DNAJA1: variants seen among roughly 807,000 people sequenced by gnomAD.
DNAJA1 encodes DnaJ heat shock protein family (Hsp40) member A1.
DNAJA1 carries 26 observed loss-of-function variants against 47.6 expected under a neutral mutation model. The ratio of observed to expected loss-of-function variants is 0.55; its 90% CI spans 0.40 to 0.76. The LOEUF is 0.76. Among genes scored for constraint, DNAJA1 ranks in the 30% least tolerant of loss-of-function variants. The probability of loss-of-function intolerance (pLI) is 0.00; values close to 1 mark genes in which losing one functional copy is unlikely to be tolerated. For missense variants in DNAJA1, 315 were observed against 485.0 expected (o/e 0.65, Z 3.29); for synonymous variants, 165 against 158.4 (o/e 1.04, Z -0.31).
chr9:33,026,746 A>G, intron 2 of DNAJA1, 67 bp from the exon 3 acceptor site: 2 of 1,582,808 alleles, frequency 1.3e-6, no homozygotes, highest in South Asian at 2.3e-5. Flanking sequence ...AGCTAAGATC[A>G]AGTGTAATGT....
At chr9:33,027,840 ATC>A (rs933296476) in intron 3 of DNAJA1, among the ~76,000 whole-genome samples, 3 of 151,850 alleles carry the variant, frequency 2.0e-5, no homozygotes, top group African/African-American at 4.8e-5. Flanking sequence ...ACAAGAGTGA[ATC>A]TCTGTCACAA....
At chr9:33,037,352 C>A (rs7875733) in intron 8 of DNAJA1, 81,259 of 299,030 alleles carry the variant, frequency 0.27, 12,615 homozygotes, top group Non-Finnish European at 0.3. Context: ...CTGAATGCCT[C>A]AGAACCTGAA....
intron 1 of DNAJA1, among the ~76,000 whole-genome samples, chr9:33,026,058 C>T (rs1838832902): frequency 6.6e-6 from 1 of 152,184 alleles, no homozygotes; most frequent in African/African-American, 2.4e-5. Context: ...TGTGCCCAGA[C>T]GTCTTTTTCT....
chr9:33,037,378 C>T (rs1419323990), intron 8 of DNAJA1: 1 of 294,982 alleles, frequency 3.4e-6, no homozygotes, highest in Non-Finnish European at 6.4e-6. Context: ...CATTTTTCCA[C>T]AGCAAGAAAT....
At chr9:33,028,682 T>G (rs924947893) in intron 3 of DNAJA1, among the ~76,000 whole-genome samples, 1 of 152,206 alleles carries the variant, frequency 6.6e-6, no homozygotes, top group African/African-American at 2.4e-5. Flanking sequence ...AGGTTAACAT[T>G]GGCAAGCTCT....
chr9:33,032,691 G>A (rs1476108390), intron 5 of DNAJA1, among the ~76,000 whole-genome samples: 2 of 152,270 alleles, frequency 1.3e-5, no homozygotes, highest in African/African-American at 4.8e-5. Flanking sequence ...AGCATAACAA[G>A]TTATTTTGCC....
chr9:33,036,833 G>T, intron 7 of DNAJA1, 144 bp downstream of exon 7: 1 of 800,496 alleles, frequency 1.2e-6, no homozygotes, highest in Non-Finnish European at 2.0e-6. Flanking sequence ...CTTAGATGAA[G>T]TTATAAGGTC....
chr9:33,034,429 CT>C, intron 6 of DNAJA1, 99 bp downstream of exon 6: 1 of 801,478 alleles, frequency 1.2e-6, no homozygotes, highest in Non-Finnish European at 2.0e-6. Context: ...TTCCATTACT[CT>C]TAGAACCTAT....
chr9:33,032,780 G>T (rs1838980260), intron 5 of DNAJA1, among the ~76,000 whole-genome samples: 1 of 152,130 alleles, frequency 6.6e-6, no homozygotes, highest in Non-Finnish European at 1.5e-5. Flanking sequence ...TATTTAAGAG[G>T]TACGTACTGA....
At chr9:33,026,438 G>C (rs1202374528) in intron 1 of DNAJA1, 37 bp from the exon 2 acceptor site, 1 of 1,585,064 alleles carries the variant, frequency 6.3e-7, no homozygotes, top group Non-Finnish European at 8.5e-7. Context: ...AAAGCTACCA[G>C]TTGAAAGCCG....
At position 33,036,583 on chromosome 9, in the gene DNAJA1, A is replaced by T; in HGVS notation, c.768A>T (p.Glu256Asp). The T allele has an allele frequency of 6.2e-7, 1 of 1,607,140 alleles. No individual in the cohort carries two copies. Among genetic ancestry groups the T allele is most frequent in the Non-Finnish European group, 8.5e-7 (1 of 1,176,272 alleles). The change falls in exon 7 of 9, where the codon GAA becomes GAT. Residue 256 changes from glutamate (E) to aspartate (D), a missense_variant. Physicochemically the swap from Glu to Asp is conservative, Grantham distance 45. Coordinates refer to ENST00000330899, the MANE Select transcript of DNAJA1 (RefSeq NM_001539.4). Reference sequence around the variant, plus strand: ...GTCATATTTTATGCAGACGAGGAGAAGACCTTTTCATGTGTATGGACATAC... The same window carrying T: ...GTCATATTTTATGCAGACGAGGAGATGACCTTTTCATGTGTATGGACATAC... The part of the protein sequence containing the change: ...KDHAVFTRRG[E>D]DLFMCMDIQL...
At position 33,030,510 on chromosome 9, in the gene DNAJA1, T is replaced by A; in HGVS notation, c.486T>A (p.Ile162=). The A allele has an allele frequency of 6.2e-7, 1 of 1,614,120 alleles. No individual in the cohort carries two copies. Among genetic ancestry groups the A allele is most frequent in the South Asian group, 1.1e-5 (1 of 91,084 alleles). ...NCRGTGMQIR[I]HQIGPGMVQQ... is the part of the protein sequence containing the mutation. ...GAGGTACTGGAATGCAAATAAGAAT[T>A]CATCAGATAGGACCTGGAATGGTTC... Residue 162 remains isoleucine, a synonymous_variant, in exon 5 of 9, where the codon ATT becomes ATA. Coordinates refer to ENST00000330899, the MANE Select transcript of DNAJA1 (RefSeq NM_001539.4).
In DNAJA1 at chr9:33,030,614, A is replaced by G; in HGVS notation, c.590A>G (p.Asn197Ser). The change falls in exon 5 of 9, where the codon AAC becomes AGC. Residue 197 changes from asparagine (N) to serine (S), a missense_variant. Physicochemically the swap from Asn to Ser is conservative, Grantham distance 46 (BLOSUM62 1). Around this residue, in one of 4 missense-constraint regions of DNAJA1, gnomAD observed 45 missense variants for 93.3 expected, o/e 0.48. Coordinates refer to ENST00000330899, the MANE Select transcript of DNAJA1 (RefSeq NM_001539.4). ...CCTAAAGATAGATGTAAAAGCTGCAACGGAAGGAAGATAGTTCGAGAGAAG... is the reference window on the plus strand; with the variant it reads ...CCTAAAGATAGATGTAAAAGCTGCAGCGGAAGGAAGATAGTTCGAGAGAAG... Reference protein sequence around the residue: ...ISPKDRCKSCNGRKIVREKKI... With the variant: ...ISPKDRCKSCSGRKIVREKKI... 6.2e-7 allele frequency: 1 copy of G among 1,614,176 alleles called. No individual in the cohort carries two copies. Among genetic ancestry groups the G allele is most frequent in the Non-Finnish European group, 8.5e-7 (1 of 1,180,010 alleles).
At chr9:33,038,509 C>A (rs183643206) in intron 8 of DNAJA1, among the ~76,000 whole-genome samples, 176 bp from the exon 9 acceptor site, 1 of 152,176 alleles carries the variant, frequency 6.6e-6, no homozygotes, top group Non-Finnish European at 1.5e-5. Context: ...AATCCTTGAA[C>A]TCTAGTTCAG....
rs771091833 is a variant in DNAJA1 at position 33,036,705 on chromosome 9, A to G, written c.874+16A>G. ...TCTCATCCAGGTATGGGAACTAGGC[A>G]AGCTTAAACTTCTCTTTTCTATTCT... On this transcript the variant is annotated intron_variant, in intron 7 of 8. Coordinates refer to ENST00000330899, the MANE Select transcript of DNAJA1 (RefSeq NM_001539.4). 6.4e-7 allele frequency: 1 copy of G among 1,564,488 alleles called. No homozygotes were observed. Among genetic ancestry groups the G allele is most frequent in the Middle Eastern group, 1.7e-4 (1 of 5,950 alleles).
At chr9:33,028,025 C>T (rs1158563218) in intron 3 of DNAJA1, among the ~76,000 whole-genome samples, 1 of 77,918 alleles carries the variant, frequency 1.3e-5, no homozygotes, top group Non-Finnish European at 2.5e-5. Context: ...ACTCTTGTCT[C>T]AAAAAAAAAA....
intron 4 of DNAJA1, among the ~76,000 whole-genome samples, chr9:33,030,239 T>C (rs1242190866): frequency 7.5e-6 from 1 of 134,184 alleles, no homozygotes; most frequent in Non-Finnish European, 1.7e-5. Context: ...TTTTTTGTAA[T>C]AAGTAAAATT....
At chr9:33,032,689 A>T (rs1838978882) in intron 5 of DNAJA1, among the ~76,000 whole-genome samples, 2 of 152,324 alleles carry the variant, frequency 1.3e-5, no homozygotes, top group Non-Finnish European at 2.9e-5. Context: ...CTAGCATAAC[A>T]AGTTATTTTG....
intron 1 of DNAJA1, among the ~76,000 whole-genome samples, chr9:33,025,973 G>T (rs975968671): frequency 3.3e-5 from 5 of 152,228 alleles, no homozygotes; most frequent in African/African-American, 1.2e-4. Flanking sequence ...TGGAGAAGCT[G>T]TAAGCCGTGG....
Sources: allele counts gnomAD v4.1 joint callset (sites outside exome capture counted in the v4.1 genomes callset), GRCh38; gene constraint gnomAD v4.1.1; regional missense constraint gnomAD v4.1.1; transcripts MANE v1.5; gene names NCBI Gene and HGNC (gene_info 2026-07-23, HGNC 2026-07-21).